Variants in ARHGEF28 observed in about 807,000 individuals in gnomAD.
ARHGEF28 encodes 190 kDa guanine nucleotide exchange factor.
In ARHGEF28, 152 loss-of-function variants were observed where a neutral mutation model predicts 206.6. The observed-to-expected ratio is 0.74, with a 90% CI of 0.64 to 0.84. The LOEUF (loss-of-function observed/expected upper bound fraction) is 0.84. Ranked by LOEUF, ARHGEF28 falls within the 40% of genes least tolerant of loss-of-function variation. The pLI, the probability that ARHGEF28 is intolerant of heterozygous loss-of-function variation, is 0.00. For synonymous variants in ARHGEF28, 763 were observed against 776.4 expected (o/e 0.98, Z 0.29); for missense variants, 2,028 against 2,073.2 (o/e 0.98, Z 0.42).
At chr5:73,878,447 G>T (rs1327557734) in intron 22 of ARHGEF28, among the ~76,000 whole-genome samples, 1 of 151,942 alleles carries the variant, frequency 6.6e-6, no homozygotes, top group Admixed American at 6.6e-5. Flanking sequence ...ACTGTTATGT[G>T]TGAATTTGAT....
At chr5:73,895,837 C>G (rs1039123511) in intron 29 of ARHGEF28, among the ~76,000 whole-genome samples, 11 of 152,164 alleles carry the variant, frequency 7.2e-5, no homozygotes, top group African/African-American at 2.7e-4. Flanking sequence ...GTTTGCCAGC[C>G]TCTGGTTTAG....
chr5:73,780,359 C>G (rs564487183), intron 6 of ARHGEF28: 6 of 302,700 alleles, frequency 2.0e-5, no homozygotes, highest in Admixed American at 9.0e-5. Flanking sequence ...GCCCTTCTTT[C>G]TGGCGTCAAG....
intron 9 of ARHGEF28, among the ~76,000 whole-genome samples, chr5:73,830,911 C>T (rs1045945885): frequency 1.4e-4 from 21 of 152,118 alleles, no homozygotes; most frequent in Admixed American, 1.2e-3. Flanking sequence ...AATGGACTAA[C>T]AGCAGTACTA....
At position 73,857,665 on chromosome 5, in the gene ARHGEF28, A is replaced by C; in HGVS notation, c.1800A>C (p.Glu600Asp). ...SEPPRENRIQ[E>D]EEWDKYIIPA... ...GATTCTGTTTTTGTAGAATTCAGGA[A>C]GAAGAATGGGATAAATACATCATAC... The change falls in exon 15 of 36, where the codon GAA (glutamate) becomes GAC (aspartate). Residue 600 changes from glutamate to aspartate, a missense_variant. Physicochemically the swap from Glu to Asp is conservative, Grantham distance 45. Coordinates refer to ENST00000513042, the MANE Select transcript of ARHGEF28 (RefSeq NM_001177693.2). The C allele has an allele frequency of 6.3e-7, 1 of 1,576,348 alleles. No individual in the cohort carries two copies. The highest frequency in any genetic ancestry group is 8.6e-7 in the Non-Finnish European group (1 of 1,159,970).
Position 73,636,873 on chromosome 5 carries a change from A to G in ARHGEF28, c.-12+10551A>G, listed in dbSNP as rs147301528. On this transcript the variant is annotated intron_variant, in intron 1 of 35. Transcript: ENST00000513042. ...GGATGGTGTCTTAAGCCTCCCTCAC[A>G]TTACGAGCATCACGCTTGGCTCCCA... is the stretch of plus-strand genomic sequence containing the variant. Among the ~76,000 whole-genome samples, 271 of 152,264 alleles carry G rather than the reference A, an allele frequency of 1.8e-3. 1 individual carries two copies. The highest frequency in any genetic ancestry group is 6.4e-3 in the African/African-American group (265 of 41,534).
chr5:73,723,582 A>C (rs769358078), intron 2 of ARHGEF28, among the ~76,000 whole-genome samples: 1 of 152,246 alleles, frequency 6.6e-6, no homozygotes, highest in African/African-American at 2.4e-5. Flanking sequence ...AACAAAGATC[A>C]GTTAAGGTTT....
chr5:73,900,471 A>G (rs1303814494), intron 30 of ARHGEF28: 1 of 152,220 alleles, frequency 6.6e-6, no homozygotes, highest in Non-Finnish European at 1.5e-5. Context: ...ATGAAGTGAA[A>G]TCTGTATTTG....
rs112486325 is a variant in ARHGEF28, at chr5:73,822,168, C to CA, written c.1025-10170_1025-10169insA. 4.0e-3 allele frequency among the ~76,000 whole-genome samples: 606 copies of CA among 152,202 alleles called. 4 individuals carry two copies. The highest frequency in any genetic ancestry group is 0.014 in the African/African-American group (581 of 41,530). ...CGAGGGGGTTTAAACTGTGCTTTTCCGGGGGGAAGGAGGAGCTGGAGAAAC... is the reference window on the plus strand; with the variant it reads ...CGAGGGGGTTTAAACTGTGCTTTTCCAGGGGGGAAGGAGGAGCTGGAGAAAC... On this transcript the variant is annotated intron_variant, in intron 9 of 35. Transcript: ENST00000513042.
intron 9 of ARHGEF28, among the ~76,000 whole-genome samples, chr5:73,813,870 T>C (rs1486061398): frequency 6.6e-6 from 1 of 150,712 alleles, no homozygotes; most frequent in Admixed American, 6.6e-5. Flanking sequence ...TCACTTTGAA[T>C]CTACCTACCT....
intron 10 of ARHGEF28, among the ~76,000 whole-genome samples, chr5:73,836,562 T>C (rs1466654736): frequency 1.3e-5 from 2 of 152,176 alleles, no homozygotes; most frequent in Non-Finnish European, 2.9e-5. Context: ...TTTTGGGTAT[T>C]AACTCCGTAT....
At chr5:73,703,196 A>G (rs939810055) in intron 2 of ARHGEF28, among the ~76,000 whole-genome samples, 13 of 152,204 alleles carry the variant, frequency 8.5e-5, no homozygotes, top group South Asian at 2.1e-4. Context: ...TCCATGGTTA[A>G]ATTGATAGCA....
chr5:73,678,952 G>T (rs1746885568), intron 1 of ARHGEF28, among the ~76,000 whole-genome samples: 1 of 152,174 alleles, frequency 6.6e-6, no homozygotes, highest in African/African-American at 2.4e-5. Flanking sequence ...GCAGTGGCAC[G>T]ATCATACCTC....
intron 1 of ARHGEF28, among the ~76,000 whole-genome samples, chr5:73,676,181 C>T (rs377599099): frequency 6.6e-6 from 1 of 150,586 alleles, no homozygotes; most frequent in Admixed American, 6.6e-5. Flanking sequence ...AGTGATTCTC[C>T]TGCCTCAGCC....
intron 1 of ARHGEF28, among the ~76,000 whole-genome samples, chr5:73,658,273 TTGGC>T (rs1745354973): frequency 6.6e-6 from 1 of 152,174 alleles, no homozygotes; most frequent in Non-Finnish European, 1.5e-5. Flanking sequence ...TTACCTGGCA[TTGGC>T]TGTTTCGCCC....
chr5:73,932,956 G>A (rs1474049950), intron 35 of ARHGEF28, among the ~76,000 whole-genome samples: 1 of 151,256 alleles, frequency 6.6e-6, no homozygotes, highest in South Asian at 2.1e-4. Flanking sequence ...CTACAGGCGC[G>A]CGCCACCATG....
chr5:73,728,093 T>A (rs962276650), intron 2 of ARHGEF28, among the ~76,000 whole-genome samples: 2 of 152,208 alleles, frequency 1.3e-5, no homozygotes, highest in Non-Finnish European at 2.9e-5. Context: ...TTAGTGTTGG[T>A]CCTGTTGAGG....
chr5:73,689,594 C>T (rs564086884), intron 2 of ARHGEF28, among the ~76,000 whole-genome samples: 1 of 152,292 alleles, frequency 6.6e-6, no homozygotes, highest in Admixed American at 6.5e-5. Context: ...AGAGAAGAAG[C>T]AGGAATTGGC....
chr5:73,874,760 A>G (rs1760347034), intron 22 of ARHGEF28, among the ~76,000 whole-genome samples: 2 of 150,234 alleles, frequency 1.3e-5, no homozygotes, highest in African/African-American at 2.4e-5. Flanking sequence ...ATCATTTTTT[A>G]TGGCTGCATA....
chr5:73,637,629 C>T (rs1280711690), intron 1 of ARHGEF28, among the ~76,000 whole-genome samples: 2 of 152,146 alleles, frequency 1.3e-5, no homozygotes, highest in African/African-American at 4.8e-5. Flanking sequence ...GAGTTCTTTC[C>T]AAAGCTTTTT....
Sources: gnomAD v4.1 joint callset for allele counts (sites outside exome capture counted in the v4.1 genomes callset) on GRCh38, gnomAD v4.1.1 for gene constraint, MANE v1.5 for transcripts, NCBI Gene and HGNC (gene_info 2026-07-23, HGNC 2026-07-21) for gene names.